STMND1: variants seen among roughly 807,000 people sequenced by gnomAD.
The protein encoded by STMND1 is stathmin domain containing 1, also known as stathmin domain-containing protein 1.
STMND1 carries 17 observed loss-of-function variants against 23.0 expected under a neutral mutation model. The ratio of observed to expected loss-of-function variants is 0.74; its 90% CI spans 0.51 to 1.11. The LOEUF is 1.11. Ranked by LOEUF, STMND1 falls within the 50% of genes least tolerant of loss-of-function variation. STMND1 has a pLI of 0.00. For missense variants in STMND1, 305 were observed against 329.1 expected (o/e 0.93, Z 0.57); for synonymous variants, 114 against 119.9 (o/e 0.95, Z 0.32).
intron 1 of STMND1, among the ~76,000 whole-genome samples, chr6:17,112,803 T>C (rs1323624350): frequency 6.6e-6 from 1 of 152,052 alleles, no homozygotes; most frequent in East Asian, 1.9e-4. Context: ...AAGAAATTTC[T>C]GGGTCACATG....
intron 1 of STMND1, among the ~76,000 whole-genome samples, chr6:17,112,961 A>C (rs1378500943): frequency 6.6e-6 from 1 of 152,108 alleles, no homozygotes; most frequent in Non-Finnish European, 1.5e-5. Flanking sequence ...CATTATAGTT[A>C]TCCTAGGGTA....
intron 1 of STMND1, among the ~76,000 whole-genome samples, chr6:17,105,781 C>T (rs1397324593): frequency 2.0e-5 from 3 of 151,886 alleles, no homozygotes. Flanking sequence ...AAAAATTAGC[C>T]GGGCGTGATG....
chr6:17,126,082 T>A (rs1403036600), intron 3 of STMND1, among the ~76,000 whole-genome samples: 124 of 105,030 alleles, frequency 1.2e-3, no homozygotes, highest in Non-Finnish European at 2.0e-3. Context: ...TTTTTTTTTT[T>A]TTTTTTTTTT....
chr6:17,124,580 C>T (rs1032513925), intron 3 of STMND1, among the ~76,000 whole-genome samples: 17 of 152,212 alleles, frequency 1.1e-4, no homozygotes, highest in Non-Finnish European at 2.2e-4. Context: ...ACCACAGAGG[C>T]CCCTTTGTCT....
At chr6:17,126,034 TTATATATATATATATA>T (rs1176278436) in intron 3 of STMND1, among the ~76,000 whole-genome samples, 2,561 of 41,990 alleles carry the variant, frequency 0.061, 157 homozygotes, top group Middle Eastern at 0.19. Context: ...GATCATTGTT[TTATATATATATATATA>T]TATATATATA....
rs1761389806 is a variant in STMND1 at position 17,131,320 on chromosome 6, T to C, written c.*439T>C. 6.5e-6 allele frequency: 1 copy of C among 154,988 alleles called. No homozygotes were observed. The highest frequency in any genetic ancestry group is 2.0e-4 in the South Asian group (1 of 4,882). The allele number at this position is 154,988 out of a possible 1,614,324, so 9.6% of individuals were successfully genotyped here. A position where few individuals can be genotyped will look rare whatever the true frequency, so the allele number is the denominator to read the frequency against. On this transcript the variant is annotated 3_prime_UTR_variant, in exon 5 of 5. Coordinates refer to ENST00000536551, the MANE Select transcript of STMND1 (RefSeq NM_001190766.2). ...TGGCTTATATGTTTTTTATGCTGTA[T>C]GTCTATGGTTTTATAATTTTTTTCT... is the stretch of plus-strand genomic sequence containing the variant.
In STMND1 at chr6:17,115,183, C is replaced by T; in HGVS notation, c.259+44C>T. The T allele has an allele frequency of 4.7e-6, 7 of 1,492,168 alleles. No individual in the cohort carries two copies. The South Asian group carries it at 6.5e-5, about 14-fold the overall frequency. The allele number at this position is 1,492,168 out of a possible 1,614,324, so 92.4% of individuals were successfully genotyped here. On this transcript the variant is annotated intron_variant, in intron 2 of 4. Coordinates refer to ENST00000536551, the MANE Select transcript of STMND1 (RefSeq NM_001190766.2). ...CATTCACGTAGATCTTCACAAAATA[C>T]TGTTTCTCTAAATACGTTTACAAGG... is the stretch of plus-strand genomic sequence containing the variant.
intron 3 of STMND1, among the ~76,000 whole-genome samples, chr6:17,125,955 C>G (rs1244357163): frequency 1.0e-4 from 15 of 143,028 alleles, no homozygotes; most frequent in African/African-American, 4.0e-4. Context: ...CTGGTAACTT[C>G]TGTAGGTTGA....
chr6:17,102,197 G>A lies in STMND1; in HGVS notation c.-61G>A. The A allele has an allele frequency of 6.8e-7, 1 of 1,467,340 alleles. No homozygotes were observed. Among genetic ancestry groups the A allele is most frequent in the Non-Finnish European group, 9.0e-7 (1 of 1,115,870 alleles). The allele number at this position is 1,467,340 out of a possible 1,614,324, so 90.9% of individuals were successfully genotyped here. The stretch of plus-strand genomic sequence containing the variant: ...GGACCACCGGCGCCGGAGCGCGGCA[G>A]GGAGCGCTCGCGGGGGCGCACAGCA... On this transcript the variant is annotated 5_prime_UTR_variant, in exon 1 of 5. Coordinates refer to ENST00000536551, the MANE Select transcript of STMND1 (RefSeq NM_001190766.2).
chr6:17,121,706 A>T (rs1278815709), intron 3 of STMND1, among the ~76,000 whole-genome samples: 1 of 152,212 alleles, frequency 6.6e-6, no homozygotes, highest in African/African-American at 2.4e-5. Flanking sequence ...TGCACACCCC[A>T]AAATCAAACA....
chr6:17,104,049 C>T (rs895073291), intron 1 of STMND1, among the ~76,000 whole-genome samples: 1 of 152,186 alleles, frequency 6.6e-6, no homozygotes, highest in Middle Eastern at 3.4e-3. Context: ...TCTGCCAGTG[C>T]CTGTCACTCA....
intron 2 of STMND1, among the ~76,000 whole-genome samples, chr6:17,116,034 T>C (rs1761154673): frequency 6.6e-6 from 1 of 152,180 alleles, no homozygotes; most frequent in Non-Finnish European, 1.5e-5. Flanking sequence ...GGTTGACAAA[T>C]ACATTTTTTT....
intron 1 of STMND1, among the ~76,000 whole-genome samples, chr6:17,102,714 C>T (rs753915887): frequency 2.6e-5 from 4 of 152,020 alleles, no homozygotes; most frequent in Non-Finnish European, 4.4e-5. Flanking sequence ...CCGTGATTCT[C>T]GAGGGAAGGT....
intron 2 of STMND1, among the ~76,000 whole-genome samples, chr6:17,117,613 T>A (rs1365789430): frequency 1.3e-5 from 2 of 151,902 alleles, no homozygotes; most frequent in Admixed American, 6.6e-5. Context: ...TTTTGCAGAA[T>A]GTTTATCAAT....
chr6:17,129,696 T>C (rs1761361243), intron 4 of STMND1, among the ~76,000 whole-genome samples: 1 of 151,922 alleles, frequency 6.6e-6, no homozygotes. Context: ...TACAAAAAAT[T>C]AGCCGGGCGT....
intron 1 of STMND1, among the ~76,000 whole-genome samples, chr6:17,108,534 T>C (rs1201313937): frequency 6.6e-6 from 1 of 152,122 alleles, no homozygotes; most frequent in African/African-American, 2.4e-5. Context: ...AAAATAAACT[T>C]GTGAAAATAC....
intron 1 of STMND1, among the ~76,000 whole-genome samples, chr6:17,113,654 G>A (rs1761122669): frequency 7.4e-6 from 1 of 134,466 alleles, no homozygotes. Flanking sequence ...TTTTTTTTGA[G>A]ATGGGGTTTC....
At chr6:17,126,389 A>T (rs1761307180) in intron 3 of STMND1, among the ~76,000 whole-genome samples, 1 of 152,042 alleles carries the variant, frequency 6.6e-6, no homozygotes, top group African/African-American at 2.4e-5. Context: ...GGGGAGGATC[A>T]TTTTAAGATT....
At chr6:17,109,515 T>A (rs1761071117) in intron 1 of STMND1, among the ~76,000 whole-genome samples, 1 of 152,316 alleles carries the variant, frequency 6.6e-6, no homozygotes, top group South Asian at 2.1e-4. Flanking sequence ...TTGTATATAT[T>A]TTTTAAATTT....
Sources: gnomAD v4.1 joint callset for allele counts (sites outside exome capture counted in the v4.1 genomes callset) on GRCh38, gnomAD v4.1.1 for gene constraint, MANE v1.5 for transcripts, NCBI Gene and HGNC (gene_info 2026-07-23, HGNC 2026-07-21) for gene names.